Variants in EXOC5 observed in about 807,000 individuals in gnomAD.
EXOC5 encodes SEC10-like 1.
In EXOC5, 17 loss-of-function variants were observed where a neutral mutation model predicts 90.8. The observed-to-expected ratio is 0.19, with a 90% CI of 0.13 to 0.28. EXOC5 has a LOEUF of 0.28. Among genes scored for constraint, EXOC5 ranks in the 10% least tolerant of loss-of-function variants. The pLI is 1.00. For synonymous variants in EXOC5, 260 were observed against 270.0 expected, an observed-to-expected ratio of 0.96 and a Z score of 0.36; for missense variants, 569 against 830.6, an observed-to-expected ratio of 0.69 and a Z score of 3.87.
intron 1 of EXOC5, among the ~76,000 whole-genome samples, chr14:57,265,133 CTTT>C (rs201754053): frequency 3.0e-5 from 4 of 134,924 alleles, no homozygotes; most frequent in Non-Finnish European, 3.2e-5. Flanking sequence ...TCACTGAACC[CTTT>C]TTTTTTTTTT....
chr14:57,216,616 T>C (rs1882983519), intron 15 of EXOC5, among the ~76,000 whole-genome samples: 1 of 152,108 alleles, frequency 6.6e-6, no homozygotes, highest in African/African-American at 2.4e-5. Context: ...ACCCTTATCT[T>C]ATACTCTACA....
chr14:57,208,994 A>G (rs1312496726), intron 17 of EXOC5, among the ~76,000 whole-genome samples, 197 bp from the exon 18 acceptor site: 1 of 152,192 alleles, frequency 6.6e-6, no homozygotes, highest in Non-Finnish European at 1.5e-5. Context: ...TAATATTTCA[A>G]AAAGATTCAT....
At position 57,201,743 on chromosome 14, in the gene EXOC5, G is replaced by C. The variant is rs1882515244; in HGVS notation, c.*6866C>G. ...CTACTACAAATAGAAAAATTGGCCA[G>C]GCATGGTGGCATGTGCCTGTAGTCC... On this transcript the variant is annotated 3_prime_UTR_variant, in exon 18 of 18. Coordinates refer to ENST00000621441, the MANE Select transcript of EXOC5 (RefSeq NM_006544.4). The C allele has an allele frequency of 6.6e-6, 1 of 151,600 alleles. No homozygotes were observed. The highest frequency in any genetic ancestry group is 1.5e-5 in the Non-Finnish European group (1 of 67,926). 9.4% of individuals were successfully genotyped at this position (151,600 alleles called of 1,614,324 possible).
intron 4 of EXOC5, among the ~76,000 whole-genome samples, chr14:57,240,513 C>A (rs534659773): frequency 7.2e-4 from 109 of 152,010 alleles, no homozygotes; most frequent in African/African-American, 2.6e-3. Context: ...AACTCCTGAC[C>A]TTAGGTGATC....
At chr14:57,218,855 G>A (rs1397164698) in intron 14 of EXOC5, among the ~76,000 whole-genome samples, 3 of 151,998 alleles carry the variant, frequency 2.0e-5, no homozygotes. Context: ...TGCTTTATAA[G>A]TTCACATAAA....
intron 12 of EXOC5, among the ~76,000 whole-genome samples, chr14:57,224,409 A>G (rs1472038733): frequency 1.3e-5 from 2 of 152,220 alleles, no homozygotes; most frequent in African/African-American, 2.4e-5. Context: ...TACGCATTCT[A>G]CAGCTATTAA....
chr14:57,266,052 G>A (rs1416428397), intron 1 of EXOC5, among the ~76,000 whole-genome samples: 3 of 152,156 alleles, frequency 2.0e-5, no homozygotes, highest in Non-Finnish European at 2.9e-5. Context: ...TTTAAAAGAA[G>A]CAGAGTTAAC....
chr14:57,264,820 T>C (rs151243162), intron 1 of EXOC5, among the ~76,000 whole-genome samples: 1 of 152,340 alleles, frequency 6.6e-6, no homozygotes, highest in East Asian at 1.9e-4. Context: ...ATGGCACATC[T>C]AGACCTCTTT....
intron 5 of EXOC5, among the ~76,000 whole-genome samples, chr14:57,238,367 TATATATATACACACACAC>T (rs1226523220): frequency 2.6e-4 from 25 of 96,808 alleles, no homozygotes; most frequent in African/African-American, 9.5e-4. Context: ...TATATATATA[TATATATATACACACACAC>T]ACACACACAC....
chr14:57,218,297 G>A (rs1883029748), intron 14 of EXOC5, among the ~76,000 whole-genome samples: 1 of 152,008 alleles, frequency 6.6e-6, no homozygotes, highest in Non-Finnish European at 1.5e-5. Flanking sequence ...AAAAGGGAAG[G>A]AAGAGGACCA....
intron 12 of EXOC5, among the ~76,000 whole-genome samples, chr14:57,224,251 A>G (rs1042126831): frequency 6.6e-6 from 1 of 152,078 alleles, no homozygotes; most frequent in African/African-American, 2.4e-5. Flanking sequence ...TGAATACAAA[A>G]CAGAAAAACA....
At chr14:57,239,686 AT>A in intron 4 of EXOC5, 27 bp from the exon 5 acceptor site, 1 of 1,421,892 alleles carries the variant, frequency 7.0e-7, no homozygotes, top group Non-Finnish European at 9.5e-7. Context: ...AAAAGCAATA[AT>A]TTAAAAAACT....
chr14:57,255,385 T>A (rs1884320935), intron 1 of EXOC5, among the ~76,000 whole-genome samples: 1 of 152,140 alleles, frequency 6.6e-6, no homozygotes, highest in South Asian at 2.1e-4. Flanking sequence ...GCAGTGTTTG[T>A]TCCTCTGGCA....
intron 1 of EXOC5, among the ~76,000 whole-genome samples, chr14:57,264,625 C>T (rs918888620): frequency 1.3e-5 from 2 of 152,188 alleles, no homozygotes; most frequent in African/African-American, 4.8e-5. Flanking sequence ...AAAATGAATG[C>T]TCCCCTTATC....
At chr14:57,227,755 T>C (rs1229583791) in intron 12 of EXOC5, among the ~76,000 whole-genome samples, 1 of 152,192 alleles carries the variant, frequency 6.6e-6, no homozygotes, top group Admixed American at 6.5e-5. Flanking sequence ...TTGTTTTCTA[T>C]TGATTTATAT....
At chr14:57,244,703 A>C (rs1883981743) in intron 3 of EXOC5, among the ~76,000 whole-genome samples, 1 of 152,242 alleles carries the variant, frequency 6.6e-6, no homozygotes, top group South Asian at 2.1e-4. Context: ...AGGACCAGAC[A>C]TCTAAAGAGC....
intron 1 of EXOC5, among the ~76,000 whole-genome samples, chr14:57,251,720 C>T (rs371178206): frequency 7.0e-6 from 1 of 141,894 alleles, no homozygotes; most frequent in Non-Finnish European, 1.5e-5. Flanking sequence ...CAGAAATTAA[C>T]AAATTAGAGA....
At chr14:57,252,008 G>GA (rs1346446643) in intron 1 of EXOC5, among the ~76,000 whole-genome samples, 1 of 152,088 alleles carries the variant, frequency 6.6e-6, no homozygotes, top group East Asian at 1.9e-4. Context: ...GCTAAATCCT[G>GA]AAAAAACAGA....
At chr14:57,242,373 T>G (rs1175183492) in intron 4 of EXOC5, among the ~76,000 whole-genome samples, 2 of 151,380 alleles carry the variant, frequency 1.3e-5, no homozygotes, top group African/African-American at 2.4e-5. Context: ...GCCTCCTGAG[T>G]GCTAGGATCT....
Sources: gnomAD v4.1 joint callset for allele counts (sites outside exome capture counted in the v4.1 genomes callset) on GRCh38, gnomAD v4.1.1 for gene constraint, MANE v1.5 for transcripts, NCBI Gene and HGNC (gene_info 2026-07-23, HGNC 2026-07-21) for gene names.